The following IL1RAP variants were observed in gnomAD, a reference collection of about 807,000 sequenced individuals.
The protein encoded by IL1RAP is interleukin-1 receptor accessory protein.
A neutral mutation model predicts 60.7 loss-of-function variants in IL1RAP; 35 were observed. That is an observed-to-expected ratio of 0.58 (90% CI 0.44 to 0.76). IL1RAP has a LOEUF of 0.76. Among genes scored for constraint, IL1RAP ranks in the 30% least tolerant of loss-of-function variants. The pLI is 0.00. For synonymous variants in IL1RAP, 268 were observed against 250.9 expected (o/e 1.07, Z -0.64); for missense variants, 572 against 693.9 (o/e 0.82, Z 1.97).
intron 3 of IL1RAP, among the ~76,000 whole-genome samples, chr3:190,572,636 C>A (rs969035822): frequency 6.6e-6 from 1 of 152,080 alleles, no homozygotes; most frequent in Non-Finnish European, 1.5e-5. Flanking sequence ...TTTAAATACT[C>A]CCCCCTTTTT....
chr3:190,633,124 A>C (rs1732927158), intron 9 of IL1RAP, among the ~76,000 whole-genome samples: 1 of 152,188 alleles, frequency 6.6e-6, no homozygotes, highest in African/African-American at 2.4e-5. Context: ...GTCCATTTCT[A>C]CATAAAGGCC....
intron 3 of IL1RAP, among the ~76,000 whole-genome samples, chr3:190,569,337 C>T (rs184141777): frequency 6.6e-6 from 1 of 152,304 alleles, no homozygotes; most frequent in Non-Finnish European, 1.5e-5. Flanking sequence ...CCAGTGGCCT[C>T]ATTTTATTTG....
intron 4 of IL1RAP, among the ~76,000 whole-genome samples, chr3:190,607,455 G>A (rs551370698): frequency 1.3e-3 from 195 of 152,120 alleles, no homozygotes; most frequent in African/African-American, 4.1e-3. Flanking sequence ...CATAAATAGC[G>A]TTGTGGGACT....
In IL1RAP at chr3:190,649,134, G is replaced by A. The variant is rs1023979049; in HGVS notation, c.*429G>A. The A allele has an allele frequency of 2.1e-5, 21 of 987,160 alleles. No individual in the cohort carries two copies. The highest frequency in any genetic ancestry group is 1.2e-4 in the Admixed American group (2 of 16,544). 61.2% of individuals were successfully genotyped at this position (987,160 alleles called of 1,614,324 possible). ...TTTTCTTTTTATCTTATTTTTACTC[G>A]TCCGTTGAAAAGATAATCAAGGCCT... On this transcript the variant is annotated 3_prime_UTR_variant, in exon 12 of 12. Coordinates refer to ENST00000447382, the MANE Select transcript of IL1RAP (RefSeq NM_002182.4).
chr3:190,645,640 A>C (rs78136844), intron 10 of IL1RAP, 59 bp from the exon 11 acceptor site: 16,803 of 1,371,022 alleles, frequency 0.012, 125 homozygotes, highest in South Asian at 0.016. Flanking sequence ...ATTTAAGAAA[A>C]ATGTAATGGT....
At chr3:190,604,076 T>A in intron 3 of IL1RAP, 52 bp from the exon 4 acceptor site, 1 of 1,563,676 alleles carries the variant, frequency 6.4e-7, no homozygotes, top group Non-Finnish European at 8.7e-7. Flanking sequence ...TTTTGAGGCC[T>A]TTGTTGTAAA....
At chr3:190,585,320 A>G (rs1728359287) in intron 3 of IL1RAP, among the ~76,000 whole-genome samples, 1 of 152,218 alleles carries the variant, frequency 6.6e-6, no homozygotes, top group African/African-American at 2.4e-5. Context: ...AGAAGCCATT[A>G]GCCTCACTGC....
chr3:190,631,099 T>C (rs1410932331), intron 9 of IL1RAP, among the ~76,000 whole-genome samples: 1 of 152,222 alleles, frequency 6.6e-6, no homozygotes, highest in Non-Finnish European at 1.5e-5. Context: ...AAGTATTTAA[T>C]ATGTGAACAT....
chr3:190,634,936 C>T (rs950518694), intron 9 of IL1RAP, among the ~76,000 whole-genome samples: 2 of 152,202 alleles, frequency 1.3e-5, no homozygotes, highest in South Asian at 2.1e-4. Context: ...AGGATGGTCT[C>T]GATCTCCTGA....
At chr3:190,633,439 C>A (rs1732955038) in intron 9 of IL1RAP, among the ~76,000 whole-genome samples, 1 of 152,124 alleles carries the variant, frequency 6.6e-6, no homozygotes, top group African/African-American at 2.4e-5. Flanking sequence ...TCACTGCAAT[C>A]TCCACCTCCT....
intron 1 of IL1RAP, among the ~76,000 whole-genome samples, chr3:190,548,306 T>G (rs1056772346): frequency 1.3e-5 from 2 of 152,208 alleles, no homozygotes; most frequent in African/African-American, 4.8e-5. Flanking sequence ...ATGTCTCATA[T>G]TTGTATCATA....
intron 3 of IL1RAP, among the ~76,000 whole-genome samples, chr3:190,584,093 C>G (rs1160338819): frequency 6.6e-6 from 1 of 152,148 alleles, no homozygotes; most frequent in African/African-American, 2.4e-5. Flanking sequence ...GTTTTCTGCT[C>G]CTATAATTCT....
At chr3:190,581,299 C>T (rs1269682339) in intron 3 of IL1RAP, among the ~76,000 whole-genome samples, 1 of 152,160 alleles carries the variant, frequency 6.6e-6, no homozygotes, top group East Asian at 1.9e-4. Context: ...GCATACCCCA[C>T]AGAGCTGTTT....
In IL1RAP at chr3:190,541,227, C is replaced by T. The variant is rs569943100; in HGVS notation, c.-88-14903C>T. ...TGTTCACTTTTCAAAGAGATGGCCT[C>T]CAGGTCTTCCTAGTAAAAGGCATTT... On this transcript the variant is annotated intron_variant, in intron 1 of 11. Coordinates refer to ENST00000447382, the MANE Select transcript of IL1RAP (RefSeq NM_002182.4). Among the ~76,000 whole-genome samples, 12 of 152,134 alleles carry T rather than the reference C, an allele frequency of 7.9e-5. No homozygotes were observed. The East Asian group carries it at 2.1e-3, about 27-fold the overall frequency.
intron 5 of IL1RAP, among the ~76,000 whole-genome samples, chr3:190,618,927 G>A (rs1409671892): frequency 2.6e-5 from 4 of 152,176 alleles, no homozygotes; most frequent in South Asian, 2.1e-4. Context: ...ATTACAAAAT[G>A]TGCCTCAATG....
At chr3:190,517,045 G>A (rs1721585986) in intron 1 of IL1RAP, among the ~76,000 whole-genome samples, 1 of 152,104 alleles carries the variant, frequency 6.6e-6, no homozygotes, top group African/African-American at 2.4e-5. Flanking sequence ...TATTTGTCTG[G>A]TTATTTCAGG....
At chr3:190,639,933 T>A (rs1418367330) in intron 9 of IL1RAP, among the ~76,000 whole-genome samples, 1 of 150,304 alleles carries the variant, frequency 6.7e-6, no homozygotes, top group Non-Finnish European at 1.5e-5. Flanking sequence ...TGTACCCAAC[T>A]GTCTCACAGC....
At chr3:190,525,603 G>T (rs1471984983) in intron 1 of IL1RAP, among the ~76,000 whole-genome samples, 1 of 152,160 alleles carries the variant, frequency 6.6e-6, no homozygotes, top group Non-Finnish European at 1.5e-5. Flanking sequence ...AAGACCAACT[G>T]CTCTGATTTC....
Position 190,648,321 on chromosome 3 carries a change from G to A in IL1RAP, c.1346-17G>A, listed in dbSNP as rs561951867. ...TTTTTGGCCAACACTAATCCCCATG[G>A]TTGTTTTCTTTCCCAGTTGTCACAG... On this transcript the variant is annotated splice_polypyrimidine_tract_variant and intron_variant, in intron 11 of 11. Transcript: ENST00000447382. 6.4e-7 allele frequency: 1 copy of A among 1,560,934 alleles called. No individual in the cohort carries two copies. Among genetic ancestry groups the A allele is most frequent in the East Asian group, 2.2e-5 (1 of 44,670 alleles).
Sources: gnomAD v4.1 joint callset for allele counts (sites outside exome capture counted in the v4.1 genomes callset) on GRCh38, gnomAD v4.1.1 for gene constraint, MANE v1.5 for transcripts, NCBI Gene and HGNC (gene_info 2026-07-23, HGNC 2026-07-21) for gene names.